WWOX: variants seen among roughly 807,000 people sequenced by gnomAD.
The protein encoded by WWOX is WW domain containing oxidoreductase.
In WWOX, 69 loss-of-function variants were observed where a neutral mutation model predicts 46.2. The observed-to-expected ratio is 1.49, with a 90% CI of 1.23 to 1.82. WWOX has a LOEUF of 1.82. Among genes scored for constraint, WWOX ranks in the 40% most tolerant of loss-of-function variants. The pLI is 0.00. For synonymous variants in WWOX, 359 were observed against 202.6 expected, an observed-to-expected ratio of 1.77 and a Z score of -6.56; for missense variants, 919 against 542.6, an observed-to-expected ratio of 1.69 and a Z score of -6.89.
chr16:79,168,923 G>C (rs1463094290), intron 8 of WWOX, among the ~76,000 whole-genome samples: 1 of 152,114 alleles, frequency 6.6e-6, no homozygotes, highest in African/African-American at 2.4e-5. Flanking sequence ...AAAGTTAAAG[G>C]TTTTCCTTAT....
intron 8 of WWOX, among the ~76,000 whole-genome samples, chr16:78,783,493 T>A (rs963101271): frequency 1.3e-5 from 2 of 152,180 alleles, no homozygotes; most frequent in African/African-American, 4.8e-5. Flanking sequence ...TAGCTCTTTG[T>A]ACCAAAGCAA....
chr16:78,900,088 G>C (rs1461928443), intron 8 of WWOX, among the ~76,000 whole-genome samples: 2 of 141,224 alleles, frequency 1.4e-5, no homozygotes, highest in African/African-American at 2.6e-5. Flanking sequence ...TTCCTGCAGA[G>C]AGCGTTGCTG....
At chr16:78,807,300 A>G (rs756963780) in intron 8 of WWOX, among the ~76,000 whole-genome samples, 1 of 152,396 alleles carries the variant, frequency 6.6e-6, no homozygotes, top group Middle Eastern at 3.4e-3. Flanking sequence ...CCACAATGTC[A>G]AAATACTTAA....
At chr16:78,773,260 A>G (rs1241621897) in intron 8 of WWOX, among the ~76,000 whole-genome samples, 4 of 152,090 alleles carry the variant, frequency 2.6e-5, no homozygotes, top group African/African-American at 4.8e-5. Context: ...CTCCGATTCC[A>G]CACCCCATGT....
rs563419246 is a variant in WWOX, at chr16:79,210,791, T to C, written c.1057-817T>C. ...CAGTATTCTGTCAGTTTGGATGATA[T>C]GATGCCTCATCACTGCACACGTCCC... On this transcript the variant is annotated intron_variant, in intron 8 of 8. Transcript: ENST00000566780. Among the ~76,000 whole-genome samples the C allele has an allele frequency of 5.4e-4, 82 of 152,274 alleles. 1 individual carries two copies. Among genetic ancestry groups the C allele is most frequent in the Middle Eastern group, 3.4e-3 (1 of 294 alleles).
intron 8 of WWOX, among the ~76,000 whole-genome samples, chr16:78,643,706 CTT>C (rs1013854121): frequency 1.3e-4 from 19 of 151,916 alleles, no homozygotes; most frequent in African/African-American, 4.6e-4. Flanking sequence ...ATACGGGTTC[CTT>C]ACCTTCTAGG....
intron 8 of WWOX, among the ~76,000 whole-genome samples, chr16:78,467,369 G>A (rs538536643): frequency 1.3e-5 from 2 of 152,160 alleles, no homozygotes; most frequent in East Asian, 3.9e-4. Flanking sequence ...ATTATAAAAT[G>A]ATCAATTCAA....
chr16:78,791,264 C>T (rs1423882116), intron 8 of WWOX, among the ~76,000 whole-genome samples: 1 of 152,066 alleles, frequency 6.6e-6, no homozygotes, highest in African/African-American at 2.4e-5. Context: ...TCCCTCCGAT[C>T]CACCAGGCAC....
intron 8 of WWOX, among the ~76,000 whole-genome samples, chr16:78,748,602 A>G (rs2049404283): frequency 6.6e-6 from 1 of 152,162 alleles, no homozygotes; most frequent in Non-Finnish European, 1.5e-5. Flanking sequence ...ACATGCCCTA[A>G]CTGGTTAGCA....
intron 8 of WWOX, among the ~76,000 whole-genome samples, chr16:78,567,581 G>T (rs1398335593): frequency 7.0e-6 from 1 of 143,660 alleles, no homozygotes; most frequent in Non-Finnish European, 1.5e-5. Flanking sequence ...AAAAAGAAGT[G>T]AGTTTTTTTT....
chr16:79,133,654 G>A (rs1390395470), intron 8 of WWOX, among the ~76,000 whole-genome samples: 2 of 152,142 alleles, frequency 1.3e-5, no homozygotes, highest in Non-Finnish European at 2.9e-5. Context: ...TATTTCTGCT[G>A]TCCTTGCCGG....
chr16:79,206,568 C>T (rs1157051799), intron 8 of WWOX: 1 of 152,196 alleles, frequency 6.6e-6, no homozygotes, highest in Non-Finnish European at 1.5e-5. Context: ...TCAATAAATG[C>T]TAGTCATTGA....
intron 8 of WWOX, among the ~76,000 whole-genome samples, chr16:78,848,407 C>G (rs1035189775): frequency 9.2e-5 from 14 of 152,136 alleles, no homozygotes; most frequent in African/African-American, 3.4e-4. Context: ...TAGACCAGCA[C>G]CTCGAGAAAG....
intron 8 of WWOX, among the ~76,000 whole-genome samples, chr16:78,715,929 G>A (rs1316686444): frequency 1.3e-5 from 2 of 152,176 alleles, no homozygotes; most frequent in African/African-American, 4.8e-5. Context: ...GTAGAGCCTT[G>A]GGAAGGGCTG....
At chr16:78,547,152 A>C (rs1030249429) in intron 8 of WWOX, among the ~76,000 whole-genome samples, 6 of 119,946 alleles carry the variant, frequency 5.0e-5, no homozygotes, top group Non-Finnish European at 9.4e-5. Context: ...AAAAAAAAAA[A>C]AAAAAAACAA....
At chr16:78,757,232 A>G (rs1312484466) in intron 8 of WWOX, among the ~76,000 whole-genome samples, 2 of 152,220 alleles carry the variant, frequency 1.3e-5, no homozygotes, top group African/African-American at 2.4e-5. Context: ...AATTTGTTAT[A>G]CAACAGTGGA....
chr16:78,236,477 G>T (rs2037442415), intron 5 of WWOX, among the ~76,000 whole-genome samples: 1 of 152,174 alleles, frequency 6.6e-6, no homozygotes. Context: ...TCCTTTCCAT[G>T]TCAGGGACAC....
chr16:78,884,281 A>G (rs983980381), intron 8 of WWOX, among the ~76,000 whole-genome samples: 1 of 148,846 alleles, frequency 6.7e-6, no homozygotes, highest in Non-Finnish European at 1.5e-5. Flanking sequence ...TCCAAAAAAA[A>G]AAAAAAAAAA....
At chr16:79,085,988 C>G (rs1371802393) in intron 8 of WWOX, among the ~76,000 whole-genome samples, 1 of 152,030 alleles carries the variant, frequency 6.6e-6, no homozygotes, top group East Asian at 1.9e-4. Context: ...AGGAGGATCG[C>G]TTGCATCCAG....
Sources: allele counts gnomAD v4.1 joint callset (sites outside exome capture counted in the v4.1 genomes callset), GRCh38; gene constraint gnomAD v4.1.1; transcripts MANE v1.5; gene names NCBI Gene and HGNC (gene_info 2026-07-23, HGNC 2026-07-21).